Variants in PLXDC2 observed in about 807,000 individuals in gnomAD.
PLXDC2 encodes the protein plexin domain-containing protein 2.
In PLXDC2, 40 loss-of-function variants were observed where a neutral mutation model predicts 68.9. The observed-to-expected ratio is 0.58, with a 90% CI of 0.45 to 0.76. PLXDC2 has a LOEUF of 0.76. PLXDC2 is among the 30% of genes least tolerant of loss of function. The pLI, the probability that PLXDC2 is intolerant of heterozygous loss-of-function variation, is 0.00. For synonymous variants in PLXDC2, 243 were observed against 234.2 expected, an observed-to-expected ratio of 1.04 and a Z score of -0.34; for missense variants, 644 against 661.9, an observed-to-expected ratio of 0.97 and a Z score of 0.30.
Position 20,109,985 on chromosome 10 carries a change from G to C in PLXDC2, c.542-33310G>C, listed in dbSNP as rs747437557. ...GAATCTGCTGCTTTTTCTCTCAGAAGGCATATGTCTAGCAAAGGAAACAAG... is the reference window on the plus strand; with the variant it reads ...GAATCTGCTGCTTTTTCTCTCAGAACGCATATGTCTAGCAAAGGAAACAAG... On this transcript the variant is annotated intron_variant, in intron 4 of 13. Transcript: ENST00000377252. 2.0e-5 allele frequency among the ~76,000 whole-genome samples: 3 copies of C among 152,164 alleles called. No homozygotes were observed. The East Asian group carries it at 5.8e-4, about 29-fold the overall frequency.
intron 3 of PLXDC2, among the ~76,000 whole-genome samples, chr10:20,060,580 A>T (rs1171864202): frequency 6.6e-6 from 1 of 150,776 alleles, no homozygotes; most frequent in Non-Finnish European, 1.5e-5. Flanking sequence ...GGTGTTGCTG[A>T]TGGTGCAAAG....
chr10:19,907,012 G>T (rs2131371388), intron 1 of PLXDC2, among the ~76,000 whole-genome samples: 1 of 152,262 alleles, frequency 6.6e-6, no homozygotes, highest in African/African-American at 2.4e-5. Flanking sequence ...AAGCAAGGAA[G>T]CATGCATGCA....
At chr10:20,195,033 T>C (rs1834819200) in intron 9 of PLXDC2, among the ~76,000 whole-genome samples, 1 of 152,038 alleles carries the variant, frequency 6.6e-6, no homozygotes, top group African/African-American at 2.4e-5. Flanking sequence ...AAGATAATCA[T>C]AACAAGCCTA....
intron 4 of PLXDC2, among the ~76,000 whole-genome samples, chr10:20,104,366 C>T (rs947582867): frequency 1.3e-5 from 2 of 152,154 alleles, no homozygotes; most frequent in Admixed American, 6.5e-5. Flanking sequence ...TTTTAAGCCT[C>T]CTATCTTTAA....
chr10:20,237,405 T>C (rs1156985191), intron 12 of PLXDC2, among the ~76,000 whole-genome samples: 1 of 151,756 alleles, frequency 6.6e-6, no homozygotes, highest in Non-Finnish European at 1.5e-5. Flanking sequence ...TTATGAAAAA[T>C]TACAAAAGAC....
At chr10:20,276,792 A>G (rs1053501626) in intron 13 of PLXDC2, among the ~76,000 whole-genome samples, 3 of 152,240 alleles carry the variant, frequency 2.0e-5, no homozygotes, top group Non-Finnish European at 2.9e-5. Context: ...GCTGTGCTCA[A>G]TCATGCTTGC....
chr10:20,074,774 A>G (rs545840410), intron 4 of PLXDC2, among the ~76,000 whole-genome samples: 2 of 152,306 alleles, frequency 1.3e-5, no homozygotes, highest in Non-Finnish European at 2.9e-5. Flanking sequence ...TACCAACAAC[A>G]TCTTCTTTCA....
intron 2 of PLXDC2, among the ~76,000 whole-genome samples, chr10:20,020,202 T>C (rs1835283251): frequency 8.5e-6 from 1 of 118,288 alleles, no homozygotes; most frequent in Admixed American, 8.4e-5. Flanking sequence ...TTTTTTTTTG[T>C]AGAGAGGTTG....
At chr10:20,238,807 A>T (rs1254833727) in intron 12 of PLXDC2, among the ~76,000 whole-genome samples, 2 of 150,154 alleles carry the variant, frequency 1.3e-5, no homozygotes, top group Middle Eastern at 3.3e-3. Context: ...AAAATAGCAG[A>T]TTGCTTTGAT....
chr10:19,970,351 A>G (rs1834329559), intron 1 of PLXDC2, among the ~76,000 whole-genome samples: 1 of 152,206 alleles, frequency 6.6e-6, no homozygotes, highest in Non-Finnish European at 1.5e-5. Flanking sequence ...TTTAAAGTTT[A>G]AAAACAGTTA....
intron 4 of PLXDC2, among the ~76,000 whole-genome samples, chr10:20,135,182 C>T (rs1833918553): frequency 6.6e-6 from 1 of 152,188 alleles, no homozygotes; most frequent in Non-Finnish European, 1.5e-5. Context: ...GCTGCCATTA[C>T]TCTACCTGCA....
chr10:20,099,362 G>A (rs552155813), intron 4 of PLXDC2, among the ~76,000 whole-genome samples: 1 of 152,064 alleles, frequency 6.6e-6, no homozygotes, highest in African/African-American at 2.4e-5. Flanking sequence ...ATTGTGTTAT[G>A]ACCATATAAA....
intron 1 of PLXDC2, among the ~76,000 whole-genome samples, chr10:19,954,217 A>G (rs1429392890): frequency 1.3e-5 from 2 of 152,240 alleles, no homozygotes; most frequent in African/African-American, 2.4e-5. Context: ...AGCTTTTGGT[A>G]TATTGACTGA....
chr10:19,891,429 C>T (rs1262001348), intron 1 of PLXDC2, among the ~76,000 whole-genome samples: 3 of 152,132 alleles, frequency 2.0e-5, no homozygotes, highest in African/African-American at 4.8e-5. Flanking sequence ...CACAATCTTC[C>T]GTAATTACCA....
chr10:20,150,489 C>T (rs1564333884), intron 6 of PLXDC2, among the ~76,000 whole-genome samples: 2 of 151,980 alleles, frequency 1.3e-5, no homozygotes, highest in Non-Finnish European at 2.9e-5. Flanking sequence ...ATATCAGAGC[C>T]CACTATATTT....
rs574438137 is a variant in PLXDC2, at chr10:19,847,141, A to G, written c.112+29950A>G. Reference sequence around the variant, plus strand: ...GGAGGGGACACAGAGTCAAACCACAACACTTCCCCCAAAAAAGAATTTATT... The same window carrying G: ...GGAGGGGACACAGAGTCAAACCACAGCACTTCCCCCAAAAAAGAATTTATT... On this transcript the variant is annotated intron_variant, in intron 1 of 13. Transcript: ENST00000377252. 2.0e-5 allele frequency among the ~76,000 whole-genome samples: 3 copies of G among 152,164 alleles called. No individual in the cohort carries two copies. The South Asian group carries it at 6.2e-4, about 32-fold the overall frequency.
intron 2 of PLXDC2, among the ~76,000 whole-genome samples, chr10:20,038,079 C>CA (rs1388532250): frequency 6.6e-6 from 1 of 151,704 alleles, no homozygotes; most frequent in Non-Finnish European, 1.5e-5. Context: ...ACTAAAAATA[C>CA]AAAAAAATTA....
At chr10:19,941,648 A>G (rs926188927) in intron 1 of PLXDC2, among the ~76,000 whole-genome samples, 3 of 152,160 alleles carry the variant, frequency 2.0e-5, no homozygotes, top group Non-Finnish European at 4.4e-5. Flanking sequence ...ATCCGTGTTT[A>G]TCCTTTTGAA....
At chr10:19,906,147 A>G (rs1833153311) in intron 1 of PLXDC2, among the ~76,000 whole-genome samples, 1 of 152,076 alleles carries the variant, frequency 6.6e-6, no homozygotes, top group Non-Finnish European at 1.5e-5. Flanking sequence ...CTAAAGTGTG[A>G]GTGCATGTGT....
Sources: gnomAD v4.1 joint callset for allele counts (sites outside exome capture counted in the v4.1 genomes callset) on GRCh38, gnomAD v4.1.1 for gene constraint, MANE v1.5 for transcripts, NCBI Gene and HGNC (gene_info 2026-07-23, HGNC 2026-07-21) for gene names.